KIAA1217: variants seen among roughly 807,000 people sequenced by gnomAD.
The protein encoded by KIAA1217 is sickle tail protein homolog.
In KIAA1217, 88 loss-of-function variants were observed where a neutral mutation model predicts 163.9. That is an observed-to-expected ratio of 0.54 (90% CI 0.45 to 0.64). The LOEUF (loss-of-function observed/expected upper bound fraction) is 0.64, where lower values mean the gene tolerates loss of function less well. Ranked by LOEUF, KIAA1217 falls within the 30% of genes least tolerant of loss-of-function variation. The pLI, the probability that KIAA1217 is intolerant of heterozygous loss-of-function variation, is 0.00. For missense variants in KIAA1217, 2,372 were observed against 2,475.0 expected, an observed-to-expected ratio of 0.96 and a Z score of 0.88; for synonymous variants, 903 against 923.1, an observed-to-expected ratio of 0.98 and a Z score of 0.39.
chr10:23,948,623 C>T (rs1353384244), intron 1 of KIAA1217, among the ~76,000 whole-genome samples: 2 of 152,058 alleles, frequency 1.3e-5, no homozygotes, highest in African/African-American at 4.8e-5. Context: ...TGCCATTTTC[C>T]CTCCACAAGA....
At position 24,174,703 on chromosome 10, in the gene KIAA1217, AT is replaced by A. The variant is rs546684529; in HGVS notation, c.-170-44917del. On this transcript the variant is annotated intron_variant, in intron 2 of 18. Transcript: ENST00000376462. ...GGAAACTCATCGAGGAACTACAGAC[AT>A]TTTTTAAATTTTATTTATTTATTCA... Among the ~76,000 whole-genome samples the A allele has an allele frequency of 4.6e-3, 694 of 152,326 alleles. 4 individuals carry two copies. The highest frequency in any genetic ancestry group is 6.9e-3 in the Non-Finnish European group (469 of 68,034).
intron 2 of KIAA1217, among the ~76,000 whole-genome samples, chr10:24,323,697 T>C (rs1486094388): frequency 6.6e-6 from 1 of 152,050 alleles, no homozygotes; most frequent in Non-Finnish European, 1.5e-5. Context: ...AGATATTGAT[T>C]GAATGTTTTT....
chr10:23,702,666 T>TACACACACACAC (rs377621544), intron 1 of KIAA1217, among the ~76,000 whole-genome samples: 4 of 134,422 alleles, frequency 3.0e-5, no homozygotes, highest in East Asian at 4.4e-4. Context: ...AACAGGAGAA[T>TACACACACACAC]ACACACACAC....
chr10:24,196,340 C>T (rs10741048), intron 2 of KIAA1217, among the ~76,000 whole-genome samples: 123,876 of 152,256 alleles, frequency 0.81, 51,186 homozygotes, highest in African/African-American at 0.87. Flanking sequence ...GGCAATTGCA[C>T]AGGAGGCAGC....
chr10:24,486,512 C>T (rs954456598), intron 6 of KIAA1217, among the ~76,000 whole-genome samples: 1 of 152,170 alleles, frequency 6.6e-6, no homozygotes, highest in Admixed American at 6.5e-5. Context: ...GCCCCTCTGA[C>T]ATCATTTCAA....
At chr10:23,980,260 T>G (rs1340298016) in intron 1 of KIAA1217, among the ~76,000 whole-genome samples, 2 of 152,102 alleles carry the variant, frequency 1.3e-5, no homozygotes, top group Non-Finnish European at 2.9e-5. Context: ...AGGGGCTGAG[T>G]GTGCTGACAG....
At chr10:23,709,526 C>A (rs12774372) in intron 1 of KIAA1217, among the ~76,000 whole-genome samples, 1 of 150,540 alleles carries the variant, frequency 6.6e-6, no homozygotes, top group Non-Finnish European at 1.5e-5. Context: ...AATACCCTGT[C>A]TCCAAAAAAG....
intron 3 of KIAA1217, among the ~76,000 whole-genome samples, chr10:24,409,380 A>G (rs2057534564): frequency 6.6e-6 from 1 of 152,200 alleles, no homozygotes; most frequent in Non-Finnish European, 1.5e-5. Context: ...GTCTGATTTC[A>G]TTTCTTCAAA....
chr10:24,046,353 G>A (rs996033034), intron 2 of KIAA1217, among the ~76,000 whole-genome samples: 10 of 152,094 alleles, frequency 6.6e-5, no homozygotes, highest in African/African-American at 2.2e-4. Flanking sequence ...CTGTGTCATA[G>A]TCCTATTGCT....
chr10:24,520,008 G>T, intron 10 of KIAA1217, 115 bp from the exon 11 acceptor site: 2 of 1,201,376 alleles, frequency 1.7e-6, no homozygotes, highest in Non-Finnish European at 2.3e-6. Context: ...GAAAGGCAGG[G>T]GGGAGGAGCT....
chr10:24,263,713 G>A (rs1223468694), intron 2 of KIAA1217, among the ~76,000 whole-genome samples: 1 of 152,158 alleles, frequency 6.6e-6, no homozygotes, highest in Admixed American at 6.5e-5. Flanking sequence ...ATCCAGTTGA[G>A]TGGGGTTGTG....
intron 2 of KIAA1217, among the ~76,000 whole-genome samples, chr10:24,317,119 C>G (rs2043489500): frequency 6.6e-6 from 1 of 151,970 alleles, no homozygotes; most frequent in Non-Finnish European, 1.5e-5. Context: ...GTATGTCAGC[C>G]TATAGATTTT....
chr10:24,401,184 A>AATAT lies in KIAA1217; in HGVS notation c.553+20134_553+20137dup, dbSNP rs113096628. ...CAAGGGAAAGAAGTTACCATCAACC[A>AATAT]ATATATATATATATATATATTTTTA... On this transcript the variant is annotated intron_variant, in intron 3 of 20. Transcript: ENST00000376454. 5.7e-3 allele frequency among the ~76,000 whole-genome samples: 841 copies of AATAT among 147,290 alleles called. 9 individuals are homozygous for AATAT. The highest frequency in any genetic ancestry group is 0.019 in the African/African-American group (768 of 40,390).
intron 2 of KIAA1217, among the ~76,000 whole-genome samples, chr10:24,376,754 TCTGA>T: frequency 6.6e-6 from 1 of 152,084 alleles, no homozygotes. Context: ...AGAGACCCTG[TCTGA>T]CTGAATGAAT....
At chr10:23,898,327 ATATATAT>A (rs957992660) in intron 1 of KIAA1217, among the ~76,000 whole-genome samples, 4 of 151,556 alleles carry the variant, frequency 2.6e-5, no homozygotes, top group Non-Finnish European at 5.9e-5. Flanking sequence ...ACACACACAC[ATATATAT>A]AATATATATT....
intron 1 of KIAA1217, among the ~76,000 whole-genome samples, chr10:23,803,299 G>T (rs1022056074): frequency 1.3e-5 from 2 of 152,212 alleles, no homozygotes; most frequent in African/African-American, 4.8e-5. Context: ...TTCCCCAGCT[G>T]CTGGGAATGC....
intron 1 of KIAA1217, among the ~76,000 whole-genome samples, chr10:24,005,741 C>A (rs1846964160): frequency 6.6e-6 from 1 of 152,160 alleles, no homozygotes; most frequent in South Asian, 2.1e-4. Context: ...CAGTATTTCA[C>A]AGTTTTGTTG....
chr10:23,950,743 C>T (rs951329935), intron 1 of KIAA1217, among the ~76,000 whole-genome samples: 14 of 152,094 alleles, frequency 9.2e-5, no homozygotes, highest in South Asian at 4.2e-4. Context: ...ACATTAGAGA[C>T]GGTTTATCAC....
At chr10:23,821,102 TGC>T (rs1588887658) in intron 1 of KIAA1217, among the ~76,000 whole-genome samples, 1 of 129,424 alleles carries the variant, frequency 7.7e-6, no homozygotes, top group African/African-American at 3.3e-5. Context: ...GCTGTGTGTG[TGC>T]GTGTGTGTGT....
Sources: allele counts gnomAD v4.1 joint callset (sites outside exome capture counted in the v4.1 genomes callset), GRCh38; gene constraint gnomAD v4.1.1; transcripts MANE v1.5; gene names NCBI Gene and HGNC (gene_info 2026-07-23, HGNC 2026-07-21).